Variants in JAKMIP1 observed in about 807,000 individuals in gnomAD.
JAKMIP1 encodes the protein janus kinase and microtubule-interacting protein 1.
Under a neutral mutation model 113.0 loss-of-function variants are expected in JAKMIP1, and 33 were observed. The ratio of observed to expected loss-of-function variants is 0.29; its 90% CI spans 0.22 to 0.39. The LOEUF (loss-of-function observed/expected upper bound fraction) is 0.39, where lower values mean the gene tolerates loss of function less well. Ranked by LOEUF, JAKMIP1 falls within the 10% of genes least tolerant of loss-of-function variation. The pLI is 1.00. For synonymous variants in JAKMIP1, 480 were observed against 459.9 expected (o/e 1.04, Z -0.56); for missense variants, 813 against 1,080.5 (o/e 0.75, Z 3.47).
rs1728182808 is a variant in JAKMIP1 at position 6,199,246 on chromosome 4, A to AGAGGCTGGCGGAGAGCC, written c.-148+990_-148+1006dup. 6.6e-6 allele frequency among the ~76,000 whole-genome samples: 1 copy of AGAGGCTGGCGGAGAGCC among 152,246 alleles called. No homozygotes were observed. Among genetic ancestry groups the AGAGGCTGGCGGAGAGCC allele is most frequent in the Non-Finnish European group, 1.5e-5 (1 of 68,028 alleles). ...ATCGCTGGAGCTCAGAGAGCCGGGC[A>AGAGGCTGGCGGAGAGCC]GAGGCTGGCGGAGAGCCGAGGCTGG... On this transcript the variant is annotated intron_variant, in intron 1 of 20. Coordinates refer to ENST00000409021, the MANE Select transcript of JAKMIP1 (RefSeq NM_001099433.2). The surrounding 1 kb of genome is among the most constrained non-coding windows in gnomAD (Gnocchi z 5.6).
At chr4:6,035,498 T>G (rs1041714147) in intron 19 of JAKMIP1, among the ~76,000 whole-genome samples, 1 of 151,860 alleles carries the variant, frequency 6.6e-6, no homozygotes, top group African/African-American at 2.4e-5. Context: ...GACATTGAGG[T>G]TTTCAGACCT....
At chr4:6,103,623 C>T (rs1424040450) in intron 3 of JAKMIP1, among the ~76,000 whole-genome samples, 1 of 152,204 alleles carries the variant, frequency 6.6e-6, no homozygotes, top group Non-Finnish European at 1.5e-5. Flanking sequence ...GTGAAGCCAT[C>T]TAGGCCTGGG....
intron 3 of JAKMIP1, among the ~76,000 whole-genome samples, chr4:6,087,692 C>G (rs556570797): frequency 6.6e-6 from 1 of 152,116 alleles, no homozygotes; most frequent in Non-Finnish European, 1.5e-5. Context: ...GAACAAAAAA[C>G]GTGCCAGAGG....
At chr4:6,149,989 C>A (rs1283866118) in intron 1 of JAKMIP1, among the ~76,000 whole-genome samples, 1 of 152,140 alleles carries the variant, frequency 6.6e-6, no homozygotes, top group African/African-American at 2.4e-5. Context: ...GAACGTCACC[C>A]GCCAATTCCA....
Position 6,081,462 on chromosome 4 carries a change from C to T in JAKMIP1, c.1101+147G>A, listed in dbSNP as rs763875530. 1.1e-5 allele frequency: 9 copies of T among 838,206 alleles called. No homozygotes were observed. Among genetic ancestry groups the T allele is most frequent in the Non-Finnish European group, 1.5e-5 (8 of 531,854 alleles). 51.9% of individuals were successfully genotyped at this position (838,206 alleles called of 1,614,324 possible). A position where few individuals can be genotyped will look rare whatever the true frequency, so the allele number is the denominator to read the frequency against. On this transcript the variant is annotated intron_variant, in intron 6 of 20. Transcript: ENST00000409021. This position sits in a 1 kb window ranked among gnomAD's most constrained non-coding sequence, Gnocchi z 4.6. ...GAGACAGGTGGAGAGAAAGGCGAGA[C>T]ATCTGTGACTGACACTGTGCCTGGT...
At chr4:6,034,124 T>C (rs1373787329) in intron 19 of JAKMIP1, among the ~76,000 whole-genome samples, 2 of 96,982 alleles carry the variant, frequency 2.1e-5, no homozygotes, top group Non-Finnish European at 3.9e-5. Context: ...TGTTCCAGGG[T>C]GGTGGTTTCT....
chr4:6,182,287 T>C (rs1362699817), intron 1 of JAKMIP1, among the ~76,000 whole-genome samples: 4 of 151,672 alleles, frequency 2.6e-5, no homozygotes, highest in Admixed American at 6.6e-5. Context: ...TGCATATTTG[T>C]AGTCCCAGCT....
chr4:6,081,135 T>C lies in JAKMIP1; in HGVS notation c.1101+474A>G, dbSNP rs1720477814. Reference sequence around the variant, plus strand: ...GAACCTGAAATCATTCTGTAAACTGTCAACTACAAGACGCCTGCCCTGACC... The same window carrying C: ...GAACCTGAAATCATTCTGTAAACTGCCAACTACAAGACGCCTGCCCTGACC... On this transcript the variant is annotated intron_variant, in intron 6 of 20. Transcript: ENST00000409021. This position sits in a 1 kb window ranked among gnomAD's most constrained non-coding sequence, Gnocchi z 4.6. Among the ~76,000 whole-genome samples the C allele has an allele frequency of 6.6e-6, 1 of 152,106 alleles. No homozygotes were observed. Among genetic ancestry groups the C allele is most frequent in the Non-Finnish European group, 1.5e-5 (1 of 68,016 alleles).
rs930441124 is a variant in JAKMIP1, at chr4:6,150,987, G to T, written c.-147-37990C>A. Among the ~76,000 whole-genome samples, 6 of 152,054 alleles carry T rather than the reference G, an allele frequency of 3.9e-5. No individual in the cohort carries two copies. The highest frequency in any genetic ancestry group is 1.4e-4 in the African/African-American group (6 of 41,396). On this transcript the variant is annotated intron_variant, in intron 1 of 20. Coordinates refer to ENST00000409021, the MANE Select transcript of JAKMIP1 (RefSeq NM_001099433.2). This position sits in a 1 kb window ranked among gnomAD's most constrained non-coding sequence, Gnocchi z 4.8. ...CAAAACACCTGGTGAAGGCTGCTGGGGATGGCAGCTCTTTCTCCCCAAGCT... is the reference window on the plus strand; with the variant it reads ...CAAAACACCTGGTGAAGGCTGCTGGTGATGGCAGCTCTTTCTCCCCAAGCT...
chr4:6,161,684 T>C (rs1722978882), intron 1 of JAKMIP1, among the ~76,000 whole-genome samples: 1 of 151,852 alleles, frequency 6.6e-6, no homozygotes, highest in Admixed American at 6.6e-5. Context: ...TGTCCAAGGG[T>C]GACCAGAGCC....
Position 6,064,288 on chromosome 4 carries a change from G to C in JAKMIP1, c.1431+592C>G, listed in dbSNP as rs1038543351. On this transcript the variant is annotated intron_variant, in intron 9 of 20. Transcript: ENST00000409021. The surrounding 1 kb of genome is among the most constrained non-coding windows in gnomAD (Gnocchi z 4.3). Reference sequence around the variant, plus strand: ...GAATTCACCTGGGGAAGGTGAGTGAGAACGAAGCTGGTCTTTGCCCCCTCA... The same window carrying C: ...GAATTCACCTGGGGAAGGTGAGTGACAACGAAGCTGGTCTTTGCCCCCTCA... 6.6e-6 allele frequency among the ~76,000 whole-genome samples: 1 copy of C among 152,244 alleles called. No homozygotes were observed. Among genetic ancestry groups the C allele is most frequent in the Admixed American group, 6.5e-5 (1 of 15,290 alleles).
Position 6,109,124 on chromosome 4 carries a change from CTTTTTTTTTT to C in JAKMIP1, c.130-3167_130-3158del, listed in dbSNP as rs71173408. ...AATATACAAGATGTGCCTGGGGCACCTTTTTTTTTTTTTTTTTTTTTTTTTTGAGTCGGAG... is the reference window on the plus strand; with the variant it reads ...AATATACAAGATGTGCCTGGGGCACCTTTTTTTTTTTTTTTTGAGTCGGAG... On this transcript the variant is annotated intron_variant, in intron 2 of 20. Coordinates refer to ENST00000409021, the MANE Select transcript of JAKMIP1 (RefSeq NM_001099433.2). Among the ~76,000 whole-genome samples, 11 of 96,884 alleles carry C rather than the reference CTTTTTTTTTT, an allele frequency of 1.1e-4. 1 individual carries two copies. Among genetic ancestry groups the C allele is most frequent in the African/African-American group, 4.5e-4 (11 of 24,654 alleles). The allele number at this position is 96,884 out of a possible 152,430, so 63.6% of individuals were successfully genotyped here. A position where few individuals can be genotyped will look rare whatever the true frequency, so the allele number is the denominator to read the frequency against.
At chr4:6,053,573 G>A (rs1715948853) in intron 13 of JAKMIP1, among the ~76,000 whole-genome samples, 1 of 152,154 alleles carries the variant, frequency 6.6e-6, no homozygotes, top group Non-Finnish European at 1.5e-5. Context: ...AGAGTCAATT[G>A]CTGGCTCAGG....
intron 3 of JAKMIP1, among the ~76,000 whole-genome samples, chr4:6,090,309 T>C (rs1375608589): frequency 6.6e-6 from 1 of 151,984 alleles, no homozygotes; most frequent in Admixed American, 6.5e-5. Flanking sequence ...GTGGTGCGAC[T>C]GCAAGTCAAG....
rs181056015 is a variant in JAKMIP1, at chr4:6,059,868, C to A, written c.1644+556G>T. On this transcript the variant is annotated intron_variant, in intron 11 of 20. Coordinates refer to ENST00000409021, the MANE Select transcript of JAKMIP1 (RefSeq NM_001099433.2). The surrounding 1 kb of genome is among the most constrained non-coding windows in gnomAD (Gnocchi z 4.8). Reference sequence around the variant, plus strand: ...CACCCAGAGCCCTCTCTGGCTCCCCCACTCCAGGGGACAGGTCTAGGCCCA... The same window carrying A: ...CACCCAGAGCCCTCTCTGGCTCCCCAACTCCAGGGGACAGGTCTAGGCCCA... Among the ~76,000 whole-genome samples, 174 of 152,244 alleles carry A rather than the reference C, an allele frequency of 1.1e-3. No homozygotes were observed. Among genetic ancestry groups the A allele is most frequent in the African/African-American group, 4.0e-3 (165 of 41,522 alleles).
In JAKMIP1 at chr4:6,183,348, G is replaced by A. The variant is rs1428279180; in HGVS notation, c.-148+16905C>T. Among the ~76,000 whole-genome samples the A allele has an allele frequency of 1.1e-4, 16 of 151,872 alleles. No individual in the cohort carries two copies. The highest frequency in any genetic ancestry group is 5.8e-4 in the East Asian group (3 of 5,158). ...ACAAAAATTAGCCGGGCTTGGTGGC[G>A]GGTGCCTGTAATACCAACTACTTGG... On this transcript the variant is annotated intron_variant, in intron 1 of 20. Coordinates refer to ENST00000409021, the MANE Select transcript of JAKMIP1 (RefSeq NM_001099433.2). This position sits in a 1 kb window ranked among gnomAD's most constrained non-coding sequence, Gnocchi z 5.3.
intron 18 of JAKMIP1, among the ~76,000 whole-genome samples, chr4:6,038,270 C>T (rs1002430656): frequency 2.4e-4 from 34 of 143,076 alleles, no homozygotes; most frequent in African/African-American, 7.6e-4. Flanking sequence ...CCTCCAACAC[C>T]GAGGCAGAGG....
At chr4:6,085,375 G>A in intron 4 of JAKMIP1, 45 bp downstream of exon 4, 1 of 1,572,568 alleles carries the variant, frequency 6.4e-7, no homozygotes, top group Non-Finnish European at 8.7e-7. Context: ...CCACCTAAAT[G>A]GGTGGGGGAC....
At position 6,070,365 on chromosome 4, in the gene JAKMIP1, A is replaced by G. The variant is rs545494571; in HGVS notation, c.1303-5357T>C. ...CCGTCTGCTGCAGAGTCCCAAGAACAGGAGTGCGCCAGAAGACGCACCTTC... is the reference window on the plus strand; with the variant it reads ...CCGTCTGCTGCAGAGTCCCAAGAACGGGAGTGCGCCAGAAGACGCACCTTC... On this transcript the variant is annotated intron_variant, in intron 8 of 20. Coordinates refer to ENST00000409021, the MANE Select transcript of JAKMIP1 (RefSeq NM_001099433.2). Among the ~76,000 whole-genome samples the G allele has an allele frequency of 3.8e-4, 58 of 152,308 alleles. No homozygotes were observed. The South Asian group carries it at 0.01, about 27-fold the overall frequency.
Sources: gnomAD v4.1 joint callset for allele counts (sites outside exome capture counted in the v4.1 genomes callset) on GRCh38, gnomAD v4.1.1 for gene constraint, Gnocchi (gnomAD v3.1) non-coding constraint, MANE v1.5 for transcripts, NCBI Gene and HGNC (gene_info 2026-07-23, HGNC 2026-07-21) for gene names.